CFAP44: variants seen among roughly 807,000 people sequenced by gnomAD.
CFAP44 encodes cilia and flagella associated protein 44.
A neutral mutation model predicts 216.2 loss-of-function variants in CFAP44; 134 were observed. The ratio of observed to expected loss-of-function variants is 0.62; its 90% CI spans 0.54 to 0.72. The LOEUF (loss-of-function observed/expected upper bound fraction) is 0.72. Ranked by LOEUF, CFAP44 falls within the 30% of genes least tolerant of loss-of-function variation. The probability of loss-of-function intolerance (pLI) is 0.00; values close to 1 mark genes in which losing one functional copy is unlikely to be tolerated. For missense variants in CFAP44, 2,035 were observed against 2,182.1 expected (o/e 0.93, Z 1.34); for synonymous variants, 700 against 727.6 (o/e 0.96, Z 0.61).
chr3:113,394,039 C>T (rs2107351876), intron 15 of CFAP44, among the ~76,000 whole-genome samples: 1 of 152,216 alleles, frequency 6.6e-6, no homozygotes, highest in Admixed American at 6.5e-5. Context: ...TTTTTTTAAA[C>T]TTATTTTGAA....
intron 5 of CFAP44, among the ~76,000 whole-genome samples, chr3:113,418,728 CAG>C (rs1934723069): frequency 6.6e-6 from 1 of 151,214 alleles, no homozygotes; most frequent in African/African-American, 2.4e-5. Flanking sequence ...TTTTTTGAGA[CAG>C]AGTCTTGCCC....
intron 33 of CFAP44, 31 bp from the exon 34 acceptor site, chr3:113,294,852 T>C (rs1262862829): frequency 1.3e-6 from 2 of 1,502,616 alleles, no homozygotes; most frequent in South Asian, 1.3e-5. Context: ...AAAATAGATG[T>C]AGTGAATACG....
chr3:113,359,136 T>A (rs1241862286), intron 21 of CFAP44, among the ~76,000 whole-genome samples: 1 of 152,184 alleles, frequency 6.6e-6, no homozygotes, highest in Non-Finnish European at 1.5e-5. Context: ...ATGCTATCAA[T>A]ATTTGGAGAG....
At chr3:113,400,740 T>A in intron 11 of CFAP44, 96 bp from the exon 12 acceptor site, 2 of 1,095,840 alleles carry the variant, frequency 1.8e-6, no homozygotes, top group South Asian at 1.4e-5. Context: ...ATATAACACA[T>A]GTGATTTTAT....
In CFAP44 at chr3:113,288,217, A is replaced by G. The variant is rs2107781073; in HGVS notation, c.*3340T>C. The G allele has an allele frequency of 6.6e-6, 1 of 152,312 alleles. No individual in the cohort carries two copies. The highest frequency in any genetic ancestry group is 1.5e-5 in the Non-Finnish European group (1 of 68,026). 9.4% of individuals were successfully genotyped at this position (152,312 alleles called of 1,614,324 possible). A position where few individuals can be genotyped will look rare whatever the true frequency, so the allele number is the denominator to read the frequency against. On this transcript the variant is annotated 3_prime_UTR_variant, in exon 35 of 35. Coordinates refer to ENST00000393845, the MANE Select transcript of CFAP44 (RefSeq NM_001164496.2). ...AATTTGATAAACAGGGTCCTAGGGA[A>G]GAGTCACTCTGACTGTTTAGGGCAA...
At chr3:113,294,200 C>A (rs1265624041) in intron 34 of CFAP44, 1 of 362,774 alleles carries the variant, frequency 2.8e-6, no homozygotes. Context: ...GTATATCCAC[C>A]ACATACAATG....
At chr3:113,372,050 A>T (rs1933183580) in intron 18 of CFAP44, among the ~76,000 whole-genome samples, 1 of 152,246 alleles carries the variant, frequency 6.6e-6, no homozygotes, top group African/African-American at 2.4e-5. Flanking sequence ...TACCAGTTAG[A>T]ATGGCACTCA....
chr3:113,315,052 A>G (rs1950074199), intron 28 of CFAP44, among the ~76,000 whole-genome samples: 1 of 152,108 alleles, frequency 6.6e-6, no homozygotes, highest in Non-Finnish European at 1.5e-5. Flanking sequence ...AACAGAAAAT[A>G]AAAATTAAAT....
intron 34 of CFAP44, among the ~76,000 whole-genome samples, chr3:113,293,013 G>C (rs1949845076): frequency 6.6e-6 from 1 of 152,174 alleles, no homozygotes; most frequent in Non-Finnish European, 1.5e-5. Flanking sequence ...TGGCATCATG[G>C]TCCTACAAAA....
In CFAP44 at chr3:113,382,034, G is replaced by A. The variant is rs186597488; in HGVS notation, c.1891-974C>T. ...TATAATGAGTTAAGGGAGGGTTTGAGGGAGCAAGTCCTCAAGGGAAACACC... is the reference window on the plus strand; with the variant it reads ...TATAATGAGTTAAGGGAGGGTTTGAAGGAGCAAGTCCTCAAGGGAAACACC... On this transcript the variant is annotated intron_variant, in intron 15 of 34. Coordinates refer to ENST00000393845, the MANE Select transcript of CFAP44 (RefSeq NM_001164496.2). 1.6e-3 allele frequency among the ~76,000 whole-genome samples: 250 copies of A among 152,260 alleles called. 3 individuals are homozygous for A. The highest frequency in any genetic ancestry group is 0.013 in the Admixed American group (203 of 15,290).
chr3:113,327,627 G>C lies in CFAP44; in HGVS notation c.4309C>G (p.Gln1437Glu). Residue 1437 changes from glutamine to glutamate, a missense_variant, in exon 27 of 35, where the codon CAG (glutamine) becomes GAG (glutamate). Gln to Glu is a conservative substitution (Grantham distance 29, BLOSUM62 2). Coordinates refer to ENST00000393845, the MANE Select transcript of CFAP44 (RefSeq NM_001164496.2). ...ERVNSLDKEE[Q>E]YMQWKINETL... ...CTGCCCACTCATACTTGCATGTACT[G>C]TTCCTCTTTGTCTAAGGAATTAACA... is the stretch of plus-strand genomic sequence containing the variant. 1 of 1,536,738 alleles carries C rather than the reference G, an allele frequency of 6.5e-7. No homozygotes were observed. The highest frequency in any genetic ancestry group is 8.7e-7 in the Non-Finnish European group (1 of 1,146,516).
intron 28 of CFAP44, among the ~76,000 whole-genome samples, chr3:113,315,510 A>T (rs761796971): frequency 1.3e-5 from 2 of 152,212 alleles, no homozygotes; most frequent in Non-Finnish European, 1.5e-5. Flanking sequence ...CTCTCTAAAC[A>T]TTTGATAGAA....
At chr3:113,296,948 A>G in intron 32 of CFAP44, 63 bp from the exon 33 acceptor site, 1 of 1,502,362 alleles carries the variant, frequency 6.7e-7, no homozygotes, top group Non-Finnish European at 9.0e-7. Context: ...AATGAACACC[A>G]GGAACAATAA....
chr3:113,330,906 C>T (rs1950236061), intron 25 of CFAP44, among the ~76,000 whole-genome samples: 1 of 152,138 alleles, frequency 6.6e-6, no homozygotes, highest in Admixed American at 6.5e-5. Context: ...TCTTGGCTTC[C>T]CACGATTTGT....
At chr3:113,300,975 C>A (rs554941259) in intron 32 of CFAP44, among the ~76,000 whole-genome samples, 1 of 152,164 alleles carries the variant, frequency 6.6e-6, no homozygotes, top group South Asian at 2.1e-4. Flanking sequence ...ATATGCCCTA[C>A]GACCCAGCTG....
Position 113,396,523 on chromosome 3 carries a change from T to C in CFAP44, c.1774A>G (p.Thr592Ala). The C allele has an allele frequency of 6.2e-7, 1 of 1,614,062 alleles. No individual in the cohort carries two copies. The highest frequency in any genetic ancestry group is 8.5e-7 in the Non-Finnish European group (1 of 1,179,960). ...AYERDGEILA[T>A]GSKDQTVFFF... ...AAAGGAAATGTACTGCTTACCCCTGTGGCTAGAATTTCCCCATCACGTTCA... is the reference window on the plus strand; with the variant it reads ...AAAGGAAATGTACTGCTTACCCCTGCGGCTAGAATTTCCCCATCACGTTCA... Residue 592 changes from threonine to alanine, a missense_variant, in exon 14 of 35, where the codon ACA becomes GCA. Thr to Ala is a moderately conservative substitution (Grantham distance 58). Coordinates refer to ENST00000393845, the MANE Select transcript of CFAP44 (RefSeq NM_001164496.2).
At chr3:113,342,150 T>C (rs942525037) in intron 23 of CFAP44, among the ~76,000 whole-genome samples, 19 of 152,002 alleles carry the variant, frequency 1.2e-4, no homozygotes, top group Non-Finnish European at 2.6e-4. Context: ...CTGGGCAACG[T>C]GGTGAAACCC....
chr3:113,317,305 G>C (rs1029143388), intron 28 of CFAP44, among the ~76,000 whole-genome samples: 6 of 152,228 alleles, frequency 3.9e-5, no homozygotes, highest in African/African-American at 1.4e-4. Flanking sequence ...CTCTGACAGA[G>C]AGCGGCCATA....
intron 15 of CFAP44, among the ~76,000 whole-genome samples, chr3:113,381,347 T>C (rs929452081): frequency 6.6e-6 from 1 of 152,220 alleles, no homozygotes; most frequent in Non-Finnish European, 1.5e-5. Context: ...GATTCATATA[T>C]GTTTTCTGAT....
Sources: gnomAD v4.1 joint callset for allele counts (sites outside exome capture counted in the v4.1 genomes callset) on GRCh38, gnomAD v4.1.1 for gene constraint, MANE v1.5 for transcripts, NCBI Gene and HGNC (gene_info 2026-07-23, HGNC 2026-07-21) for gene names.